Variants in SPATA6 observed in about 807,000 individuals in gnomAD.
SPATA6 encodes the protein spermatogenesis associated 6.
SPATA6 carries 56 observed loss-of-function variants against 65.3 expected under a neutral mutation model. The observed-to-expected ratio is 0.86, with a 90% confidence interval of 0.69 to 1.07. SPATA6 has a LOEUF of 1.07. SPATA6 is among the 50% of genes least tolerant of loss of function. The pLI, the probability that SPATA6 is intolerant of heterozygous loss-of-function variation, is 0.00. For missense variants in SPATA6, 590 were observed against 594.8 expected, an observed-to-expected ratio of 0.99 and a Z score of 0.08; for synonymous variants, 199 against 213.2, an observed-to-expected ratio of 0.93 and a Z score of 0.58.
the SPATA6 span, among the ~76,000 whole-genome samples, chr1:48,289,869 G>C: frequency 6.6e-6 from 1 of 152,180 alleles, no homozygotes; most frequent in African/African-American, 2.4e-5. Flanking sequence ...CCAAATCTAT[G>C]TCTCACTGGT....
chr1:48,436,008 T>C (rs2148078408), intron 3 of SPATA6: 1 of 1,607,912 alleles, frequency 6.2e-7, no homozygotes, highest in East Asian at 2.2e-5. Flanking sequence ...GAACACAAGA[T>C]GAATCACTCA....
At chr1:48,425,130 G>A (rs1045693399) in intron 3 of SPATA6, among the ~76,000 whole-genome samples, 1 of 152,136 alleles carries the variant, frequency 6.6e-6, no homozygotes, top group African/African-American at 2.4e-5. Flanking sequence ...TGAGGTCTTA[G>A]ATTTAAGTCT....
At chr1:48,353,233 G>C (rs940320810) in intron 11 of SPATA6, among the ~76,000 whole-genome samples, 3 of 151,698 alleles carry the variant, frequency 2.0e-5, no homozygotes, top group African/African-American at 7.3e-5. Context: ...ATTAAAAACA[G>C]CTAAATGTTT....
At chr1:48,471,266 G>A (rs907546317) in intron 1 of SPATA6, among the ~76,000 whole-genome samples, 2 of 152,150 alleles carry the variant, frequency 1.3e-5, no homozygotes, top group African/African-American at 4.8e-5. Flanking sequence ...TGCAAGGTTG[G>A]AGAAGGAGGT....
At position 48,317,354 on chromosome 1, in the gene SPATA6, A is replaced by G. The variant is rs879721338; in HGVS notation, c.1195-11476T>C. On this transcript the variant is annotated intron_variant, in intron 11 of 12. Transcript: ENST00000371847. ...GTGGAATACTATGCAGCCATAAAAA[A>G]TGATGAGTTCATGTCCTTTGTAGGG... Among the ~76,000 whole-genome samples, 107 of 152,344 alleles carry G rather than the reference A, an allele frequency of 7.0e-4. 1 individual carries two copies. Among genetic ancestry groups the G allele is most frequent in the African/African-American group, 2.2e-3 (93 of 41,594 alleles).
intron 3 of SPATA6, among the ~76,000 whole-genome samples, chr1:48,420,514 G>A (rs1231650670): frequency 6.6e-6 from 1 of 152,134 alleles, no homozygotes; most frequent in Non-Finnish European, 1.5e-5. Flanking sequence ...TCTCCAAGTA[G>A]AAAGGGTCAA....
At chr1:48,413,190 T>C in intron 3 of SPATA6, 39 bp from the exon 4 acceptor site, 2 of 1,229,210 alleles carry the variant, frequency 1.6e-6, no homozygotes, top group East Asian at 6.5e-5. Context: ...ATAAACAAAT[T>C]AATAACAAAA....
Position 48,393,381 on chromosome 1 carries a change from C to G in SPATA6, c.868+1886G>C, listed in dbSNP as rs144522147. The G allele has an allele frequency of 1.9e-3, 285 of 152,148 alleles. 1 individual carries two copies. The highest frequency in any genetic ancestry group is 5.8e-3 in the African/African-American group (241 of 41,536). The allele number at this position is 152,148 out of a possible 1,614,324, so 9.4% of individuals were successfully genotyped here. A position where few individuals can be genotyped will look rare whatever the true frequency, so the allele number is the denominator to read the frequency against. On this transcript the variant is annotated intron_variant, in intron 8 of 12. Transcript: ENST00000371847. ...AACTGAGGAACATTCTACAAAATAG[C>G]TGGCTTATGCACTTCAAAATTATCA...
At chr1:48,448,056 A>G (rs140992845) in intron 3 of SPATA6, 156 of 152,132 alleles carry the variant, frequency 1.0e-3, no homozygotes, top group African/African-American at 3.7e-3. Flanking sequence ...CCATCTCAAG[A>G]AGCTGCCAGC....
At chr1:48,309,969 C>T (rs1645159812) in intron 11 of SPATA6, among the ~76,000 whole-genome samples, 1 of 152,164 alleles carries the variant, frequency 6.6e-6, no homozygotes, top group Non-Finnish European at 1.5e-5. Context: ...AGCTAAGGGC[C>T]TTCTTGTCTT....
chr1:48,320,966 T>C (rs1199315483), intron 11 of SPATA6, among the ~76,000 whole-genome samples: 1 of 152,168 alleles, frequency 6.6e-6, no homozygotes, highest in East Asian at 1.9e-4. Flanking sequence ...CAAAGGGTTA[T>C]GACATATTAT....
chr1:48,385,991 CCAT>C (rs993873501), intron 8 of SPATA6, among the ~76,000 whole-genome samples: 1 of 152,128 alleles, frequency 6.6e-6, no homozygotes, highest in African/African-American at 2.4e-5. Context: ...ATTACTAATA[CCAT>C]CATCAACAAC....
At chr1:48,279,667 T>C in the SPATA6 span, among the ~76,000 whole-genome samples, 79 of 152,218 alleles carry the variant, frequency 5.2e-4, no homozygotes, top group African/African-American at 1.4e-3. Flanking sequence ...TACAGGAGCA[T>C]GCAGATTCAT....
the SPATA6 span, among the ~76,000 whole-genome samples, chr1:48,272,386 T>TA: frequency 1.3e-5 from 2 of 152,174 alleles, no homozygotes. Flanking sequence ...ATCCTACTTC[T>TA]ACTTCTATGA....
chr1:48,347,139 C>A (rs1646387439), intron 11 of SPATA6, among the ~76,000 whole-genome samples: 1 of 151,694 alleles, frequency 6.6e-6, no homozygotes. Flanking sequence ...TGGAACAGAA[C>A]AGAGAACCCA....
At chr1:48,393,721 G>A (rs1053700659) in intron 8 of SPATA6, among the ~76,000 whole-genome samples, 2 of 152,108 alleles carry the variant, frequency 1.3e-5, no homozygotes, top group East Asian at 3.9e-4. Flanking sequence ...TCTGAAGACT[G>A]AAAATTAGAA....
At chr1:48,308,397 TCTTTATATA>T (rs1252804588) in intron 11 of SPATA6, among the ~76,000 whole-genome samples, 3 of 152,092 alleles carry the variant, frequency 2.0e-5, no homozygotes, top group African/African-American at 7.2e-5. Context: ...ATAAATTACA[TCTTTATATA>T]CTATGTTCCT....
At chr1:48,279,235 T>G in the SPATA6 span, among the ~76,000 whole-genome samples, 1 of 152,094 alleles carries the variant, frequency 6.6e-6, no homozygotes, top group African/African-American at 2.4e-5. Context: ...ACATGCCAAA[T>G]TGTAAAGACC....
intron 9 of SPATA6, among the ~76,000 whole-genome samples, chr1:48,366,927 G>A (rs552658877): frequency 1.3e-5 from 2 of 152,026 alleles, no homozygotes; most frequent in South Asian, 2.1e-4. Flanking sequence ...TGTCTTGTGG[G>A]CATTCAGTGC....
Sources: allele counts gnomAD v4.1 joint callset (sites outside exome capture counted in the v4.1 genomes callset), GRCh38; gene constraint gnomAD v4.1.1; transcripts MANE v1.5; gene names NCBI Gene and HGNC (gene_info 2026-07-23, HGNC 2026-07-21).